Variants in APBB2 observed in about 807,000 individuals in gnomAD.
APBB2 encodes Fe65-like 1.
Under a neutral mutation model 82.5 loss-of-function variants are expected in APBB2, and 38 were observed. The observed-to-expected ratio is 0.46, with a 90% CI of 0.36 to 0.60. APBB2 has a LOEUF of 0.60. Among genes scored for constraint, APBB2 ranks in the 20% least tolerant of loss-of-function variants. The probability of loss-of-function intolerance (pLI) is 0.00; values close to 1 mark genes in which losing one functional copy is unlikely to be tolerated. For missense variants in APBB2, 772 were observed against 972.3 expected (o/e 0.79, Z 2.74); for synonymous variants, 341 against 368.2 (o/e 0.93, Z 0.85).
rs6836980 is a variant in APBB2 at position 40,979,501 on chromosome 4, T to C, written c.835+34082A>G. Among the ~76,000 whole-genome samples, 499 of 152,352 alleles carry C rather than the reference T, an allele frequency of 3.3e-3. 3 individuals are homozygous for C. The highest frequency in any genetic ancestry group is 0.011 in the African/African-American group (439 of 41,590). On this transcript the variant is annotated intron_variant, in intron 6 of 17. Transcript: ENST00000508593. ...AAGGATTTTACATATTTAATTAAGA[T>C]CCATAGTCAACTGTTTTTGTTCTAA...
chr4:40,991,010 CA>C lies in APBB2; in HGVS notation c.835+22572del, dbSNP rs762816943. On this transcript the variant is annotated intron_variant, in intron 6 of 17. Coordinates refer to ENST00000508593, the MANE Select transcript of APBB2 (RefSeq NM_004307.2). ...TTTCTGGTCATTTTGGACTGAGTTT[CA>C]TTTTTTTTTTTTTTGGAGGCAAGGT... 5.9e-4 allele frequency among the ~76,000 whole-genome samples: 76 copies of C among 128,714 alleles called. 2 individuals carry two copies. Among genetic ancestry groups the C allele is most frequent in the Middle Eastern group, 4.1e-3 (1 of 242 alleles). The allele number at this position is 128,714 out of a possible 152,430, so 84.4% of individuals were successfully genotyped here.
At chr4:41,172,694 T>C (rs1393478577) in intron 1 of APBB2, among the ~76,000 whole-genome samples, 2 of 152,242 alleles carry the variant, frequency 1.3e-5, no homozygotes, top group Middle Eastern at 3.2e-3. Flanking sequence ...TGAAATAGTA[T>C]GGACACAGTA....
intron 6 of APBB2, among the ~76,000 whole-genome samples, chr4:40,980,007 A>G (rs530218354): frequency 6.6e-6 from 1 of 152,256 alleles, no homozygotes; most frequent in Non-Finnish European, 1.5e-5. Context: ...CTACTTGCCT[A>G]TTTCACCACT....
intron 3 of APBB2, among the ~76,000 whole-genome samples, chr4:41,083,011 A>C (rs1395040497): frequency 1.3e-5 from 2 of 151,958 alleles, no homozygotes; most frequent in Non-Finnish European, 2.9e-5. Flanking sequence ...AAAAATACAA[A>C]AAAATTAGCC....
intron 12 of APBB2, among the ~76,000 whole-genome samples, chr4:40,867,864 CTTTTT>C (rs35665507): frequency 1.4e-5 from 2 of 138,794 alleles, no homozygotes; most frequent in East Asian, 2.1e-4. Context: ...ATTTCTGGGG[CTTTTT>C]TTTTTTTTTT....
chr4:40,971,956 C>T (rs28491354), intron 6 of APBB2, among the ~76,000 whole-genome samples: 39,773 of 151,998 alleles, frequency 0.26, 5,258 homozygotes, highest in Middle Eastern at 0.32. Flanking sequence ...ACAATTAATT[C>T]ATAAGAAGAG....
chr4:40,934,743 A>T lies in APBB2; in HGVS notation c.1108-44T>A, dbSNP rs57375874. The T allele has an allele frequency of 7.9e-3, 10,725 of 1,360,604 alleles. 670 individuals are homozygous for T. In the African/African-American group the frequency reaches 0.13, roughly 17 times the overall value. 84.3% of individuals were successfully genotyped at this position (1,360,604 alleles called of 1,614,324 possible). Reference sequence around the variant, plus strand: ...TTGTTAATGTACAATGGGGGAGAAGACCATTCATTGCCTCAAATATCAAAG... The same window carrying T: ...TTGTTAATGTACAATGGGGGAGAAGTCCATTCATTGCCTCAAATATCAAAG... On this transcript the variant is annotated intron_variant, in intron 8 of 17. Transcript: ENST00000508593.
intron 10 of APBB2, among the ~76,000 whole-genome samples, chr4:40,899,367 T>C (rs541165509): frequency 1.3e-5 from 2 of 152,326 alleles, no homozygotes; most frequent in South Asian, 2.1e-4. Flanking sequence ...ACAGTGGAAT[T>C]GAGTCATCCT....
At chr4:40,872,811 T>C (rs1765868813) in intron 12 of APBB2, among the ~76,000 whole-genome samples, 1 of 149,558 alleles carries the variant, frequency 6.7e-6, no homozygotes, top group South Asian at 2.1e-4. Context: ...TGGCGCCGGG[T>C]GCAGTGGTTC....
chr4:41,082,358 G>C (rs1579869442), intron 3 of APBB2, among the ~76,000 whole-genome samples: 1 of 152,056 alleles, frequency 6.6e-6, no homozygotes, highest in African/African-American at 2.4e-5. Flanking sequence ...TCAAACATCG[G>C]GGGGTGTCCT....
In APBB2 at chr4:40,849,395, T is replaced by C. The variant is rs1758604979; in HGVS notation, c.1530-18818A>G. On this transcript the variant is annotated intron_variant, in intron 12 of 17. Coordinates refer to ENST00000508593, the MANE Select transcript of APBB2 (RefSeq NM_004307.2). The stretch of plus-strand genomic sequence containing the variant: ...CTAACTAGATTCCTTCCTTGGAACA[T>C]TTGTCTAAATGAGAAATAGCTCCTC... Among the ~76,000 whole-genome samples, 3 of 152,342 alleles carry C rather than the reference T, an allele frequency of 2.0e-5. No individual in the cohort carries two copies. In the South Asian group the frequency reaches 6.2e-4, roughly 32 times the overall value.
chr4:41,172,275 G>A (rs1768505803), intron 1 of APBB2, among the ~76,000 whole-genome samples: 1 of 149,866 alleles, frequency 6.7e-6, no homozygotes, highest in Non-Finnish European at 1.5e-5. Context: ...ATTACTTCAA[G>A]GGCTTAATGC....
At chr4:41,017,176 C>A (rs62412119) in intron 5 of APBB2, among the ~76,000 whole-genome samples, 6,996 of 152,178 alleles carry the variant, frequency 0.046, 340 homozygotes, top group African/African-American at 0.13. Flanking sequence ...GGATTACAGG[C>A]GTGAACCACC....
intron 7 of APBB2, among the ~76,000 whole-genome samples, chr4:40,942,348 C>T (rs1787227116): frequency 6.6e-6 from 1 of 152,126 alleles, no homozygotes; most frequent in Admixed American, 6.5e-5. Flanking sequence ...ACAAATGGTA[C>T]AGTGAGCAGC....
At chr4:40,904,428 C>CAAATAAAT (rs71198612) in intron 10 of APBB2, among the ~76,000 whole-genome samples, 3,881 of 144,256 alleles carry the variant, frequency 0.027, 84 homozygotes, top group Middle Eastern at 0.039. Flanking sequence ...GAGACTCCAT[C>CAAATAAAT]AAATAAATAA....
At chr4:41,037,167 G>A (rs1200844489) in intron 4 of APBB2, among the ~76,000 whole-genome samples, 1 of 152,160 alleles carries the variant, frequency 6.6e-6, no homozygotes, top group Non-Finnish European at 1.5e-5. Context: ...TTAGGTAGGT[G>A]AGTCTACTTC....
chr4:41,171,834 G>T (rs931655325), intron 1 of APBB2, among the ~76,000 whole-genome samples: 1 of 152,018 alleles, frequency 6.6e-6, no homozygotes, highest in Non-Finnish European at 1.5e-5. Context: ...GGTGGCAGCC[G>T]CCTGTAATCC....
chr4:41,025,192 G>C (rs1420888612), intron 5 of APBB2, among the ~76,000 whole-genome samples: 1 of 151,802 alleles, frequency 6.6e-6, no homozygotes, highest in Non-Finnish European at 1.5e-5. Context: ...ATTTACAGGA[G>C]AAAAACAAAC....
intron 12 of APBB2, among the ~76,000 whole-genome samples, chr4:40,850,740 G>C (rs1486273087): frequency 6.6e-6 from 1 of 152,156 alleles, no homozygotes; most frequent in East Asian, 1.9e-4. Context: ...CCGGGAGTTC[G>C]AGGTCAGCAT....
Sources: gnomAD v4.1 joint callset for allele counts (sites outside exome capture counted in the v4.1 genomes callset) on GRCh38, gnomAD v4.1.1 for gene constraint, MANE v1.5 for transcripts, NCBI Gene and HGNC (gene_info 2026-07-23, HGNC 2026-07-21) for gene names.